The following USP24 variants were observed in gnomAD, a reference collection of about 807,000 sequenced individuals.
The protein encoded by USP24 is ubiquitin carboxyl-terminal hydrolase 24.
Under a neutral mutation model 361.6 loss-of-function variants are expected in USP24, and 97 were observed. The observed-to-expected ratio is 0.27, with a 90% CI of 0.23 to 0.32. USP24 has a LOEUF of 0.32. Among genes scored for constraint, USP24 ranks in the 10% least tolerant of loss-of-function variants. USP24 has a pLI of 1.00. For synonymous variants in USP24, 1,098 were observed against 1,124.6 expected (o/e 0.98, Z 0.47); for missense variants, 2,353 against 3,165.6 (o/e 0.74, Z 6.16).
intron 1 of USP24, among the ~76,000 whole-genome samples, chr1:55,203,908 C>G (rs1384964359): frequency 6.6e-6 from 1 of 152,158 alleles, no homozygotes; most frequent in East Asian, 1.9e-4. Context: ...AAATACATTA[C>G]ATACATATGT....
At chr1:55,086,451 A>AG in intron 55 of USP24, 1 of 178,582 alleles carries the variant, frequency 5.6e-6, no homozygotes, top group Non-Finnish European at 1.2e-5. Context: ...ACAGCATACA[A>AG]GGGGCAGGGG....
chr1:55,141,774 C>T, intron 23 of USP24, 43 bp from the exon 24 acceptor site: 1 of 1,525,784 alleles, frequency 6.6e-7, no homozygotes, highest in South Asian at 1.2e-5. Flanking sequence ...GGTTTCTCAA[C>T]CTGGACTCTA....
At chr1:55,099,959 A>G in intron 44 of USP24, 90 bp from the exon 45 acceptor site, 1 of 930,980 alleles carries the variant, frequency 1.1e-6, no homozygotes, top group Non-Finnish European at 1.6e-6. Context: ...TTAAATGCTT[A>G]TAAAAATCAG....
At chr1:55,106,027 A>AAT in intron 41 of USP24, 119 bp downstream of exon 41, 1 of 792,904 alleles carries the variant, frequency 1.3e-6, no homozygotes, top group Non-Finnish European at 2.1e-6. Flanking sequence ...TTTAGTGGAT[A>AAT]ATATAGGATA....
intron 46 of USP24, 78 bp from the exon 47 acceptor site, chr1:55,098,162 A>C: frequency 7.1e-7 from 1 of 1,413,040 alleles, no homozygotes; most frequent in Non-Finnish European, 9.3e-7. Context: ...CCTAAGCTTG[A>C]ACACAGAACT....
rs778967633 is a variant in USP24 at position 55,096,450 on chromosome 1, A to G, written c.6061+48T>C. ...AGAATACTATTAATTTTTATAGAAAACGATAAATAAAAAAACTAATGGAAA... is the reference window on the plus strand; with the variant it reads ...AGAATACTATTAATTTTTATAGAAAGCGATAAATAAAAAAACTAATGGAAA... On this transcript the variant is annotated intron_variant, in intron 50 of 67. Coordinates refer to ENST00000294383, the MANE Select transcript of USP24 (RefSeq NM_015306.3). The G allele has an allele frequency of 8.7e-6, 12 of 1,384,060 alleles. No individual in the cohort carries two copies. In the East Asian group the frequency reaches 3.2e-4, roughly 37 times the overall value. The allele number at this position is 1,384,060 out of a possible 1,614,324, so 85.7% of individuals were successfully genotyped here.
chr1:55,201,797 A>C (rs1644582875), intron 1 of USP24, among the ~76,000 whole-genome samples: 1 of 152,136 alleles, frequency 6.6e-6, no homozygotes, highest in Non-Finnish European at 1.5e-5. Context: ...TTCTAACAGA[A>C]AACCATTAGC....
At chr1:55,078,246 C>T (rs1645070709) in intron 61 of USP24, among the ~76,000 whole-genome samples, 1 of 152,140 alleles carries the variant, frequency 6.6e-6, no homozygotes, top group African/African-American at 2.4e-5. Flanking sequence ...TGGTGATGAC[C>T]ACAGTAGACT....
intron 29 of USP24, 60 bp from the exon 30 acceptor site, chr1:55,134,223 A>AT: frequency 6.3e-6 from 10 of 1,577,924 alleles, no homozygotes; most frequent in Middle Eastern, 1.7e-4. Context: ...AACAAAGTCC[A>AT]TTAGTATGGA....
At chr1:55,151,864 G>A (rs143060378) in intron 16 of USP24, 550 of 976,850 alleles carry the variant, frequency 5.6e-4, no homozygotes, top group Non-Finnish European at 6.5e-4. Context: ...GGGGAATAGA[G>A]GTAGCTGAGG....
At chr1:55,178,724 TAAATAAAA>T (rs1650262371) in intron 1 of USP24, among the ~76,000 whole-genome samples, 1 of 69,716 alleles carries the variant, frequency 1.4e-5, no homozygotes, top group Non-Finnish European at 3.0e-5. Flanking sequence ...AATAAATAAA[TAAATAAAA>T]AGAACTGTCT....
At chr1:55,196,715 A>G (rs772655277) in intron 1 of USP24, among the ~76,000 whole-genome samples, 1 of 152,220 alleles carries the variant, frequency 6.6e-6, no homozygotes, top group African/African-American at 2.4e-5. Context: ...CAAACCCCTG[A>G]TCTTTCTCAC....
At chr1:55,167,312 C>T (rs1259381675) in intron 5 of USP24, among the ~76,000 whole-genome samples, 3 of 152,004 alleles carry the variant, frequency 2.0e-5, no homozygotes. Flanking sequence ...CAGATGTAGC[C>T]GTTTAAAGAA....
At chr1:55,181,069 C>A in intron 1 of USP24, among the ~76,000 whole-genome samples, 2 of 149,534 alleles carry the variant, frequency 1.3e-5, no homozygotes. Context: ...TTTTTGGAAA[C>A]CTACATATCC....
At chr1:55,100,033 C>G (rs1645592714) in intron 44 of USP24, among the ~76,000 whole-genome samples, 164 bp from the exon 45 acceptor site, 1 of 152,146 alleles carries the variant, frequency 6.6e-6, no homozygotes, top group African/African-American at 2.4e-5. Flanking sequence ...GCCATCCACC[C>G]TTTTTTCTAG....
At chr1:55,187,816 A>C (rs1356326857) in intron 1 of USP24, among the ~76,000 whole-genome samples, 2 of 152,234 alleles carry the variant, frequency 1.3e-5, no homozygotes, top group East Asian at 1.9e-4. Flanking sequence ...ATGTTCATAG[A>C]TTGGAACTTA....
intron 3 of USP24, among the ~76,000 whole-genome samples, chr1:55,174,385 T>C (rs934527275): frequency 6.6e-5 from 10 of 152,204 alleles, no homozygotes; most frequent in African/African-American, 2.2e-4. Context: ...TAAAAGAAAG[T>C]ATGCCTAATT....
In USP24 at chr1:55,178,010, T is replaced by G. The variant is rs1456998817; in HGVS notation, c.447A>C (p.Ser149=). ...HWSIPYKREE[S]LGKCLLASTY... ...TAGATGCCAACAGGCATTTGCCTAG[T>G]GATTCTTCTCGCTTGTAAGGGATGG... Residue 149 remains serine (S), a synonymous_variant, in exon 2 of 68, where the codon TCA becomes TCC. Coordinates refer to ENST00000294383, the MANE Select transcript of USP24 (RefSeq NM_015306.3). The G allele has an allele frequency of 6.4e-7, 1 of 1,551,702 alleles. No homozygotes were observed. Among genetic ancestry groups the G allele is most frequent in the East Asian group, 2.4e-5 (1 of 40,908 alleles).
At chr1:55,132,094 T>G (rs570821293) in intron 31 of USP24, among the ~76,000 whole-genome samples, 1 of 152,326 alleles carries the variant, frequency 6.6e-6, no homozygotes, top group South Asian at 2.1e-4. Context: ...AGTAAACAAT[T>G]AAATGTATTA....
Sources: allele counts gnomAD v4.1 joint callset (sites outside exome capture counted in the v4.1 genomes callset), GRCh38; gene constraint gnomAD v4.1.1; transcripts MANE v1.5; gene names NCBI Gene and HGNC (gene_info 2026-07-23, HGNC 2026-07-21).